FRMD4B: variants seen among roughly 807,000 people sequenced by gnomAD.
FRMD4B encodes FERM domain-containing protein 4B.
In FRMD4B, 74 loss-of-function variants were observed where a neutral mutation model predicts 141.5. The observed-to-expected ratio is 0.52, with a 90% CI of 0.43 to 0.63. The LOEUF is 0.63. Among genes scored for constraint, FRMD4B ranks in the 30% least tolerant of loss-of-function variants. FRMD4B has a pLI of 0.00. For synonymous variants in FRMD4B, 506 were observed against 467.9 expected (o/e 1.08, Z -1.05); for missense variants, 1,366 against 1,253.4 (o/e 1.09, Z -1.36).
intron 14 of FRMD4B, 42 bp from the exon 15 acceptor site, chr3:69,195,406 T>C: frequency 1.3e-6 from 2 of 1,533,446 alleles, no homozygotes; most frequent in Admixed American, 4.4e-5. Context: ...ATACAAGGGA[T>C]GTTTCCTTCC....
chr3:69,472,624 A>T (rs1254846832), intron 1 of FRMD4B: 3 of 164,678 alleles, frequency 1.8e-5, no homozygotes, highest in African/African-American at 7.2e-5. Context: ...ATAGCCGGAG[A>T]TATCACCCAG....
At chr3:69,330,995 T>G (rs775587590) in intron 1 of FRMD4B, among the ~76,000 whole-genome samples, 8 of 152,346 alleles carry the variant, frequency 5.3e-5, no homozygotes, top group Non-Finnish European at 8.8e-5. Context: ...CCTGCTCTAT[T>G]CTAATCTCAG....
At chr3:69,254,811 C>T (rs2093483032) in intron 5 of FRMD4B, among the ~76,000 whole-genome samples, 1 of 152,058 alleles carries the variant, frequency 6.6e-6, no homozygotes. Flanking sequence ...TGAGAATTAG[C>T]TCTCAAGAGA....
chr3:69,173,584 G>C (rs190734268), intron 22 of FRMD4B, among the ~76,000 whole-genome samples: 2 of 152,254 alleles, frequency 1.3e-5, no homozygotes, highest in Admixed American at 6.5e-5. Context: ...AAAGCTTTAT[G>C]AATGATTGTT....
intron 1 of FRMD4B, among the ~76,000 whole-genome samples, chr3:69,519,291 C>G (rs1178897212): frequency 6.6e-6 from 1 of 152,094 alleles, no homozygotes; most frequent in African/African-American, 2.4e-5. Flanking sequence ...GTGTGCATGG[C>G]TGGGGAGAGC....
At chr3:69,489,475 A>T (rs1395276813) in intron 1 of FRMD4B, among the ~76,000 whole-genome samples, 1 of 152,198 alleles carries the variant, frequency 6.6e-6, no homozygotes. Context: ...AGTAGTAGGT[A>T]CATGAAAAGA....
chr3:69,505,098 A>G (rs369039509), intron 1 of FRMD4B, among the ~76,000 whole-genome samples: 1 of 118 alleles, frequency 8.5e-3, no homozygotes, highest in South Asian at 0.056. Context: ...GGCCAGCATA[A>G]GTGGCTTATG....
chr3:69,388,228 T>C (rs888788922), upstream of FRMD4B, among the ~76,000 whole-genome samples: 3 of 152,338 alleles, frequency 2.0e-5, no homozygotes, highest in African/African-American at 7.2e-5. Flanking sequence ...AGAAACACTC[T>C]GGCTGTTAGC....
At chr3:69,355,420 C>G (rs892608851) in intron 1 of FRMD4B, among the ~76,000 whole-genome samples, 3 of 152,100 alleles carry the variant, frequency 2.0e-5, no homozygotes, top group African/African-American at 7.2e-5. Flanking sequence ...TTTGACAGAA[C>G]CTTCTATTTG....
At chr3:69,378,818 A>C (rs981598433) in intron 1 of FRMD4B, among the ~76,000 whole-genome samples, 1 of 151,882 alleles carries the variant, frequency 6.6e-6, no homozygotes, top group East Asian at 1.9e-4. Context: ...AAAAAAAAAA[A>C]CCAAAAAACC....
chr3:69,469,042 A>G (rs1705841707), intron 1 of FRMD4B, among the ~76,000 whole-genome samples: 1 of 152,196 alleles, frequency 6.6e-6, no homozygotes, highest in African/African-American at 2.4e-5. Context: ...TTTCTTTCTC[A>G]TGTTAAGAGT....
intron 22 of FRMD4B, among the ~76,000 whole-genome samples, chr3:69,176,040 A>C (rs2092641955): frequency 6.6e-6 from 1 of 152,038 alleles, no homozygotes; most frequent in Non-Finnish European, 1.5e-5. Flanking sequence ...TCGGCCTCCC[A>C]AAGTGCTGGC....
At chr3:69,230,512 C>G (rs2093296904) in intron 7 of FRMD4B, among the ~76,000 whole-genome samples, 1 of 151,754 alleles carries the variant, frequency 6.6e-6, no homozygotes, top group Admixed American at 6.6e-5. Context: ...TTGGGAGGCT[C>G]AGGTGGGTGG....
intron 2 of FRMD4B, among the ~76,000 whole-genome samples, chr3:69,391,242 AT>A (rs764189098): frequency 1.0e-3 from 150 of 144,704 alleles, no homozygotes; most frequent in Middle Eastern, 3.5e-3. Context: ...TTATTTATTT[AT>A]TTTTATTTTT....
intron 7 of FRMD4B, among the ~76,000 whole-genome samples, chr3:69,230,042 T>C (rs376136947): frequency 6.6e-6 from 1 of 151,674 alleles, no homozygotes; most frequent in Non-Finnish European, 1.5e-5. Flanking sequence ...AGTGGCGCAA[T>C]GTTGGCTCAC....
At position 69,491,046 on chromosome 3, in the gene FRMD4B, G is replaced by A. The variant is rs143873308; in HGVS notation, c.-129+51160C>T. Among the ~76,000 whole-genome samples, 200 of 152,244 alleles carry A rather than the reference G, an allele frequency of 1.3e-3. 1 individual carries two copies. Among genetic ancestry groups the A allele is most frequent in the African/African-American group, 4.2e-3 (174 of 41,530 alleles). ...CTCTTCACCTAAAGGTGCAGCACCA[G>A]CTCAATGAAAATTGTTTCAGTAAAA... On this transcript the variant is annotated intron_variant, in intron 1 of 5. Coordinates refer to the FRMD4B transcript ENST00000459638.
At chr3:69,537,204 G>A (rs944798298) in intron 1 of FRMD4B, among the ~76,000 whole-genome samples, 10 of 152,136 alleles carry the variant, frequency 6.6e-5, no homozygotes, top group South Asian at 2.1e-4. Flanking sequence ...CAGCACGATC[G>A]CCCTGCTTCT....
intron 1 of FRMD4B, among the ~76,000 whole-genome samples, chr3:69,372,650 G>A (rs563304031): frequency 2.6e-5 from 4 of 152,068 alleles, no homozygotes; most frequent in African/African-American, 9.6e-5. Context: ...GGGTAACAGA[G>A]CAGGACTCCG....
chr3:69,221,957 C>T (rs577179984), intron 8 of FRMD4B, 34 bp from the exon 9 acceptor site: 64 of 1,089,626 alleles, frequency 5.9e-5, no homozygotes, highest in Middle Eastern at 2.0e-4. Context: ...GATTGCAATG[C>T]ATGATTATCT....
Sources: allele counts gnomAD v4.1 joint callset (sites outside exome capture counted in the v4.1 genomes callset), GRCh38; gene constraint gnomAD v4.1.1; transcripts MANE v1.5; gene names NCBI Gene and HGNC (gene_info 2026-07-23, HGNC 2026-07-21).